Variants in GLRA3 observed in about 807,000 individuals in gnomAD.
GLRA3 encodes glycine receptor alpha 3, also known as glycine receptor subunit alpha-3.
Under a neutral mutation model 60.4 loss-of-function variants are expected in GLRA3, and 44 were observed. The ratio of observed to expected loss-of-function variants is 0.73; its 90% CI spans 0.57 to 0.94. The LOEUF is 0.94. Ranked by LOEUF, GLRA3 falls within the 40% of genes least tolerant of loss-of-function variation. The probability of loss-of-function intolerance (pLI) is 0.00; values close to 1 mark genes in which losing one functional copy is unlikely to be tolerated. For synonymous variants in GLRA3, 223 were observed against 192.9 expected (o/e 1.16, Z -1.29); for missense variants, 508 against 564.6 (o/e 0.90, Z 1.02).
chr4:174,797,208 AG>A (rs1464108935), intron 1 of GLRA3, among the ~76,000 whole-genome samples: 1 of 152,218 alleles, frequency 6.6e-6, no homozygotes, highest in Admixed American at 6.5e-5. Flanking sequence ...TTACCATCAA[AG>A]CCATTTCTAT....
intron 4 of GLRA3, among the ~76,000 whole-genome samples, chr4:174,716,563 C>G (rs1308926555): frequency 6.6e-6 from 1 of 152,154 alleles, no homozygotes; most frequent in Non-Finnish European, 1.5e-5. Context: ...GCCTCTTGCA[C>G]TGAGAATATT....
At chr4:174,754,457 T>C (rs941419379) in intron 3 of GLRA3, among the ~76,000 whole-genome samples, 23 of 152,274 alleles carry the variant, frequency 1.5e-4, no homozygotes, top group African/African-American at 5.3e-4. Context: ...TAAACAGATA[T>C]AATTTTAACA....
At chr4:174,826,534 G>C (rs896274720) in intron 1 of GLRA3, among the ~76,000 whole-genome samples, 1 of 152,058 alleles carries the variant, frequency 6.6e-6, no homozygotes, top group African/African-American at 2.4e-5. Flanking sequence ...ACTTTATCTA[G>C]AGGGAAATGT....
chr4:174,759,205 AC>A, intron 3 of GLRA3, among the ~76,000 whole-genome samples: 1 of 152,242 alleles, frequency 6.6e-6, no homozygotes, highest in East Asian at 1.9e-4. Flanking sequence ...TTAACATGTT[AC>A]TATTCCTAGG....
At chr4:174,760,544 G>A (rs754558961) in intron 3 of GLRA3, among the ~76,000 whole-genome samples, 9 of 151,368 alleles carry the variant, frequency 5.9e-5, no homozygotes, top group Non-Finnish European at 8.8e-5. Context: ...TTTTTGAGAG[G>A]GAGTCTGGCT....
chr4:174,774,252 A>G (rs1163667663), intron 2 of GLRA3, among the ~76,000 whole-genome samples: 1 of 152,188 alleles, frequency 6.6e-6, no homozygotes, highest in Non-Finnish European at 1.5e-5. Context: ...AAGTTAAAAT[A>G]TGGAAACTTA....
chr4:174,782,814 A>G (rs1738942161), intron 2 of GLRA3, among the ~76,000 whole-genome samples: 3 of 152,064 alleles, frequency 2.0e-5, no homozygotes, highest in African/African-American at 7.2e-5. Flanking sequence ...CAAGGAAATA[A>G]AAGAGGATAC....
Position 174,671,051 on chromosome 4 carries a change from G to T in GLRA3, c.927+6027C>A, listed in dbSNP as rs183783492. Among the ~76,000 whole-genome samples the T allele has an allele frequency of 9.4e-4, 142 of 151,658 alleles. 5 individuals carry two copies. The East Asian group carries it at 0.019, about 20-fold the overall frequency. ...AATGTATATGGAATCATATTAGCTA[G>T]TATGATCCATGAACATTTAAAAAAT... On this transcript the variant is annotated intron_variant, in intron 7 of 9. Coordinates refer to ENST00000274093, the MANE Select transcript of GLRA3 (RefSeq NM_006529.4).
chr4:174,665,673 C>T (rs1018939604), intron 7 of GLRA3, among the ~76,000 whole-genome samples: 14 of 152,102 alleles, frequency 9.2e-5, no homozygotes, highest in South Asian at 2.1e-4. Context: ...TCATTGATTT[C>T]GTCTCACTGT....
In GLRA3 at chr4:174,761,710, G is replaced by C. The variant is rs555355190; in HGVS notation, c.267+5253C>G. On this transcript the variant is annotated intron_variant, in intron 3 of 9. Coordinates refer to ENST00000274093, the MANE Select transcript of GLRA3 (RefSeq NM_006529.4). ...GTTCATTTAAAAATACTGTACTACT[G>C]TATATACATGCCCAAACTACTATGG... 3.3e-5 allele frequency among the ~76,000 whole-genome samples: 5 copies of C among 152,216 alleles called. No homozygotes were observed. In the South Asian group the frequency reaches 1.0e-3, roughly 32 times the overall value.
intron 1 of GLRA3, among the ~76,000 whole-genome samples, chr4:174,798,544 G>C (rs907995696): frequency 8.5e-5 from 13 of 152,304 alleles, no homozygotes; most frequent in African/African-American, 2.4e-4. Context: ...AATCATTGCA[G>C]TGAAGACACT....
intron 3 of GLRA3, among the ~76,000 whole-genome samples, chr4:174,753,943 G>A (rs545453879): frequency 1.8e-4 from 27 of 151,636 alleles, no homozygotes; most frequent in Middle Eastern, 6.8e-3. Context: ...TGTGCCTGAC[G>A]ACTCTCTCTC....
intron 3 of GLRA3, 113 bp from the exon 4 acceptor site, chr4:174,728,811 C>A: frequency 1.6e-6 from 1 of 628,672 alleles, no homozygotes; most frequent in Admixed American, 3.0e-5. Flanking sequence ...AAATATACCC[C>A]TCTTGGGGAC....
intron 5 of GLRA3, among the ~76,000 whole-genome samples, chr4:174,709,533 G>T (rs955104910): frequency 1.3e-5 from 2 of 152,084 alleles, no homozygotes; most frequent in Admixed American, 1.3e-4. Context: ...ATAAATGAAA[G>T]CAACACGTTT....
intron 4 of GLRA3, among the ~76,000 whole-genome samples, chr4:174,721,772 T>G (rs1257088433): frequency 1.3e-5 from 2 of 149,990 alleles, no homozygotes; most frequent in Non-Finnish European, 3.0e-5. Flanking sequence ...TATATATATG[T>G]GTGTGTGTGT....
rs1429230720 is a variant in GLRA3, at chr4:174,638,152, A to G, written c.*5634T>C. 6.6e-6 allele frequency: 1 copy of G among 151,892 alleles called. No homozygotes were observed. The highest frequency in any genetic ancestry group is 6.5e-5 in the Admixed American group (1 of 15,278). 9.4% of individuals were successfully genotyped at this position (151,892 alleles called of 1,614,324 possible). A position where few individuals can be genotyped will look rare whatever the true frequency, so the allele number is the denominator to read the frequency against. On this transcript the variant is annotated 3_prime_UTR_variant, in exon 10 of 10. Coordinates refer to ENST00000274093, the MANE Select transcript of GLRA3 (RefSeq NM_006529.4). The stretch of plus-strand genomic sequence containing the variant: ...ATCTAGAGTTATGTCACAATGGAAC[A>G]GAAGACTGCCCTCAGAGTAATGAGC...
rs558798289 is a variant in GLRA3, at chr4:174,641,056, A to T, written c.*2730T>A. 1 of 152,126 alleles carries T rather than the reference A, an allele frequency of 6.6e-6. No individual in the cohort carries two copies. The highest frequency in any genetic ancestry group is 6.6e-5 in the Admixed American group (1 of 15,256). 9.4% of individuals were successfully genotyped at this position (152,126 alleles called of 1,614,324 possible). On this transcript the variant is annotated 3_prime_UTR_variant, in exon 10 of 10. Coordinates refer to ENST00000274093, the MANE Select transcript of GLRA3 (RefSeq NM_006529.4). ...AGGTTGGGCACATATATGCTAATGTATAAGATAGCCTATAAATTCATATGC... is the reference window on the plus strand; with the variant it reads ...AGGTTGGGCACATATATGCTAATGTTTAAGATAGCCTATAAATTCATATGC...
At chr4:174,721,785 A>G (rs967992285) in intron 4 of GLRA3, among the ~76,000 whole-genome samples, 7 of 149,580 alleles carry the variant, frequency 4.7e-5, no homozygotes, top group South Asian at 2.1e-4. Context: ...GTGTGTGTGT[A>G]TATATACATA....
intron 2 of GLRA3, among the ~76,000 whole-genome samples, chr4:174,787,435 T>C (rs1426362171): frequency 1.3e-5 from 2 of 152,100 alleles, no homozygotes; most frequent in African/African-American, 4.8e-5. Context: ...GGAATACTGC[T>C]TTCCCTCAAT....
Sources: allele counts gnomAD v4.1 joint callset (sites outside exome capture counted in the v4.1 genomes callset), GRCh38; gene constraint gnomAD v4.1.1; transcripts MANE v1.5; gene names NCBI Gene and HGNC (gene_info 2026-07-23, HGNC 2026-07-21).